The following THRB variants were observed in gnomAD, a reference collection of about 807,000 sequenced individuals.
The protein encoded by THRB is nuclear receptor subfamily 1 group A member 2.
THRB carries 12 observed loss-of-function variants against 47.8 expected under a neutral mutation model. The observed-to-expected ratio is 0.25, with a 90% CI of 0.16 to 0.41. THRB has a LOEUF of 0.41. Ranked by LOEUF, THRB falls within the 10% of genes least tolerant of loss-of-function variation. The probability of loss-of-function intolerance (pLI) is 1.00; values close to 1 mark genes in which losing one functional copy is unlikely to be tolerated. For missense variants in THRB, 348 were observed against 589.2 expected (o/e 0.59, Z 4.24); for synonymous variants, 218 against 212.2 (o/e 1.03, Z -0.24).
At chr3:24,455,859 T>C (rs899458409) in intron 1 of THRB, among the ~76,000 whole-genome samples, 2 of 152,200 alleles carry the variant, frequency 1.3e-5, no homozygotes. Flanking sequence ...TTGGTTTAGG[T>C]GGGCTGGAGA....
chr3:24,165,274 G>C (rs780453091), intron 5 of THRB: 1 of 765,128 alleles, frequency 1.3e-6, no homozygotes, highest in East Asian at 2.4e-5. Context: ...CAAAATACGC[G>C]TAATAATCAG....
chr3:24,357,827 C>A (rs577980189), intron 1 of THRB, among the ~76,000 whole-genome samples: 2 of 152,240 alleles, frequency 1.3e-5, no homozygotes, highest in South Asian at 4.2e-4. Flanking sequence ...TGTATTTTAA[C>A]AATGTGCGTC....
intron 1 of THRB, among the ~76,000 whole-genome samples, chr3:24,438,536 T>C (rs191288139): frequency 1.9e-4 from 29 of 151,062 alleles, no homozygotes; most frequent in South Asian, 2.1e-4. Flanking sequence ...TGTGTGTGTG[T>C]GCACATGCAT....
intron 4 of THRB, among the ~76,000 whole-genome samples, chr3:24,210,766 A>G (rs1559612163): frequency 6.6e-6 from 1 of 152,208 alleles, no homozygotes. Flanking sequence ...GACAGTAAGT[A>G]AGGTATGAAT....
chr3:24,262,039 C>G (rs1030731980), intron 3 of THRB, among the ~76,000 whole-genome samples: 2 of 152,158 alleles, frequency 1.3e-5, no homozygotes, highest in Admixed American at 1.3e-4. Flanking sequence ...ATATGTGTCT[C>G]TATAGACCCC....
At chr3:24,371,786 G>T (rs1448359459) in intron 1 of THRB, among the ~76,000 whole-genome samples, 1 of 152,060 alleles carries the variant, frequency 6.6e-6, no homozygotes, top group East Asian at 1.9e-4. Flanking sequence ...GGCGTTGAAG[G>T]CATTTTCTTA....
intron 1 of THRB, among the ~76,000 whole-genome samples, chr3:24,447,751 C>G (rs1196752806): frequency 6.6e-6 from 1 of 151,958 alleles, no homozygotes. Context: ...GAAAGCCTGA[C>G]CATTTTGGTC....
rs184562634 is a variant in THRB, at chr3:24,375,050, A to T, written c.-260-37679T>A. ...AACACTAGAGACACAAAACTCAAAT[A>T]CACTAATTCTTTGGCACAGTTTTTT... On this transcript the variant is annotated intron_variant, in intron 1 of 10. Coordinates refer to ENST00000646209, the MANE Select transcript of THRB (RefSeq NM_001354712.2). Among the ~76,000 whole-genome samples, 332 of 152,046 alleles carry T rather than the reference A, an allele frequency of 2.2e-3. 2 individuals carry two copies. Among genetic ancestry groups the T allele is most frequent in the African/African-American group, 7.4e-3 (309 of 41,516 alleles).
chr3:24,368,869 A>G (rs2064696596), intron 1 of THRB, among the ~76,000 whole-genome samples: 1 of 152,172 alleles, frequency 6.6e-6, no homozygotes, highest in Non-Finnish European at 1.5e-5. Context: ...CCAGGACCAG[A>G]GCTCAGAAAT....
chr3:24,278,049 G>A (rs1559806877), intron 3 of THRB, among the ~76,000 whole-genome samples: 1 of 152,156 alleles, frequency 6.6e-6, no homozygotes, highest in East Asian at 1.9e-4. Context: ...CTGATGAAGG[G>A]CTTGGGGATT....
Position 24,242,672 on chromosome 3 carries a change from A to G in THRB, c.-42-13671T>C, listed in dbSNP as rs541885443. Among the ~76,000 whole-genome samples, 5 of 152,264 alleles carry G rather than the reference A, an allele frequency of 3.3e-5. No individual in the cohort carries two copies. In the South Asian group the frequency reaches 8.3e-4, roughly 25 times the overall value. On this transcript the variant is annotated intron_variant, in intron 3 of 10. Coordinates refer to ENST00000646209, the MANE Select transcript of THRB (RefSeq NM_001354712.2). Reference sequence around the variant, plus strand: ...AAACACTGTTTGTTGAGTGAATCACATACCTTCTTCTTGAGGTTCTAGCCT... The same window carrying G: ...AAACACTGTTTGTTGAGTGAATCACGTACCTTCTTCTTGAGGTTCTAGCCT...
intron 7 of THRB, among the ~76,000 whole-genome samples, chr3:24,145,328 A>C (rs758210937): frequency 6.6e-5 from 10 of 152,136 alleles, no homozygotes; most frequent in Non-Finnish European, 1.5e-4. Flanking sequence ...AGAAAGCCTG[A>C]GCTCTTAGAA....
At chr3:24,214,550 C>G (rs1402667683) in intron 4 of THRB, among the ~76,000 whole-genome samples, 2 of 152,212 alleles carry the variant, frequency 1.3e-5, no homozygotes, top group African/African-American at 4.8e-5. Context: ...TTTCCTCAGG[C>G]AAAAACCCTC....
At chr3:24,288,191 G>C (rs1471639483) in intron 3 of THRB, among the ~76,000 whole-genome samples, 1 of 152,252 alleles carries the variant, frequency 6.6e-6, no homozygotes, top group South Asian at 2.1e-4. Context: ...AGGAAGGCTG[G>C]GTGAAGGCCA....
intron 3 of THRB, among the ~76,000 whole-genome samples, chr3:24,231,611 G>A (rs1355149130): frequency 6.6e-6 from 1 of 152,044 alleles, no homozygotes; most frequent in Non-Finnish European, 1.5e-5. Flanking sequence ...TTAGTATTTA[G>A]TAGTATTTAG....
At chr3:24,187,982 G>A (rs899532552) in intron 5 of THRB, among the ~76,000 whole-genome samples, 3 of 152,162 alleles carry the variant, frequency 2.0e-5, no homozygotes, top group African/African-American at 7.2e-5. Context: ...GGAAAACATG[G>A]GAGAGTTATT....
chr3:24,195,327 C>A (rs2043829300), intron 4 of THRB, among the ~76,000 whole-genome samples: 1 of 152,170 alleles, frequency 6.6e-6, no homozygotes, highest in Non-Finnish European at 1.5e-5. Context: ...ACCTGCTCCT[C>A]TTTGCCTTTT....
intron 3 of THRB, among the ~76,000 whole-genome samples, chr3:24,281,833 AAAG>A (rs1200527317): frequency 6.6e-6 from 1 of 151,520 alleles, no homozygotes; most frequent in Non-Finnish European, 1.5e-5. Context: ...CAAAAGAGAC[AAAG>A]AAGGCCATTA....
chr3:24,209,990 G>A (rs888665945), intron 4 of THRB, among the ~76,000 whole-genome samples: 1 of 152,176 alleles, frequency 6.6e-6, no homozygotes, highest in Admixed American at 6.5e-5. Context: ...GTCTACAGAT[G>A]ACAGCTTCTG....
Sources: gnomAD v4.1 joint callset for allele counts (sites outside exome capture counted in the v4.1 genomes callset) on GRCh38, gnomAD v4.1.1 for gene constraint, MANE v1.5 for transcripts, NCBI Gene and HGNC (gene_info 2026-07-23, HGNC 2026-07-21) for gene names.